The following SORCS1 variants were observed in gnomAD, a reference collection of about 807,000 sequenced individuals.
SORCS1 encodes the protein sortilin related VPS10 domain containing receptor 1.
SORCS1 carries 60 observed loss-of-function variants against 146.1 expected under a neutral mutation model. The observed-to-expected ratio is 0.41, with a 90% CI of 0.33 to 0.51. The LOEUF (loss-of-function observed/expected upper bound fraction) is 0.51. SORCS1 is among the 20% of genes least tolerant of loss of function. The pLI is 0.21. For missense variants in SORCS1, 1,352 were observed against 1,487.6 expected, an observed-to-expected ratio of 0.91 and a Z score of 1.50; for synonymous variants, 637 against 584.0, an observed-to-expected ratio of 1.09 and a Z score of -1.31.
At chr10:107,077,951 T>C (rs1182764618) in intron 1 of SORCS1, among the ~76,000 whole-genome samples, 1 of 152,162 alleles carries the variant, frequency 6.6e-6, no homozygotes, top group Non-Finnish European at 1.5e-5. Flanking sequence ...TTCACTGATT[T>C]TGCAATTCCA....
intron 6 of SORCS1, among the ~76,000 whole-genome samples, chr10:106,722,120 T>TACACACACAC (rs140882766): frequency 0.14 from 20,870 of 144,142 alleles, 1,499 homozygotes; most frequent in East Asian, 0.18. Context: ...AATATATAAA[T>TACACACACAC]ACACACACAC....
At chr10:107,043,657 A>G (rs1959191135) in intron 1 of SORCS1, among the ~76,000 whole-genome samples, 1 of 152,058 alleles carries the variant, frequency 6.6e-6, no homozygotes. Context: ...ATGGCCCCCA[A>G]GCCACCCTCC....
chr10:106,579,155 G>C (rs141785832), intron 25 of SORCS1: 1 of 1,614,098 alleles, frequency 6.2e-7, no homozygotes, highest in Non-Finnish European at 8.5e-7. Context: ...CAGTCTGAGG[G>C]ACATTGGGCC....
intron 2 of SORCS1, among the ~76,000 whole-genome samples, chr10:106,880,266 T>C (rs1372307321): frequency 6.6e-6 from 1 of 152,218 alleles, no homozygotes; most frequent in Non-Finnish European, 1.5e-5. Context: ...AAAAGAATTG[T>C]TGCACTTCAG....
At chr10:107,149,426 A>G (rs1246218415) in intron 1 of SORCS1, among the ~76,000 whole-genome samples, 1 of 152,174 alleles carries the variant, frequency 6.6e-6, no homozygotes, top group Non-Finnish European at 1.5e-5. Context: ...GATTCATCCC[A>G]ATATACTTGT....
At chr10:107,123,354 G>A (rs958851412) in intron 1 of SORCS1, among the ~76,000 whole-genome samples, 1 of 152,128 alleles carries the variant, frequency 6.6e-6, no homozygotes, top group African/African-American at 2.4e-5. Context: ...AACAGTAAAA[G>A]AAACTAAAAT....
intron 18 of SORCS1, among the ~76,000 whole-genome samples, chr10:106,649,301 T>C (rs1408659481): frequency 1.3e-5 from 2 of 152,114 alleles, no homozygotes; most frequent in Non-Finnish European, 2.9e-5. Context: ...CATTCACCCC[T>C]AGACACTGCT....
At chr10:107,126,773 A>G (rs1966736870) in intron 1 of SORCS1, among the ~76,000 whole-genome samples, 1 of 152,048 alleles carries the variant, frequency 6.6e-6, no homozygotes, top group African/African-American at 2.4e-5. Context: ...CCCAGTTGAG[A>G]GGGAGGATCT....
chr10:106,629,122 T>G, intron 19 of SORCS1, 80 bp downstream of exon 19: 2 of 1,285,922 alleles, frequency 1.6e-6, no homozygotes, highest in Non-Finnish European at 2.2e-6. Flanking sequence ...GTACTTCTTC[T>G]AGATATAAAA....
chr10:107,116,233 C>A (rs1442241435), intron 1 of SORCS1, among the ~76,000 whole-genome samples: 2 of 152,032 alleles, frequency 1.3e-5, no homozygotes, highest in African/African-American at 2.4e-5. Context: ...AGTAGAACAA[C>A]ATTATATGAT....
intron 2 of SORCS1, among the ~76,000 whole-genome samples, chr10:106,843,782 T>C (rs943750663): frequency 1.3e-5 from 2 of 152,238 alleles, no homozygotes; most frequent in African/African-American, 4.8e-5. Flanking sequence ...GTATATATAA[T>C]ACATTTTCTT....
intron 1 of SORCS1, among the ~76,000 whole-genome samples, chr10:107,079,183 G>A (rs557166041): frequency 8.7e-5 from 13 of 149,942 alleles, no homozygotes; most frequent in South Asian, 2.1e-4. Flanking sequence ...CTGAGATTGC[G>A]CCACTGCACT....
At chr10:106,814,420 T>C (rs1236901327) in intron 3 of SORCS1, among the ~76,000 whole-genome samples, 2 of 152,166 alleles carry the variant, frequency 1.3e-5, no homozygotes. Flanking sequence ...CAGTAAACTA[T>C]GATAGAAGAA....
At chr10:106,618,333 C>T (rs1847516055) in intron 20 of SORCS1, 61 bp from the exon 21 acceptor site, 2 of 1,589,968 alleles carry the variant, frequency 1.3e-6, no homozygotes, top group Non-Finnish European at 1.7e-6. Context: ...GACACAGCCA[C>T]TAACTGTGAG....
chr10:106,991,050 C>G (rs1447530767), intron 1 of SORCS1, among the ~76,000 whole-genome samples: 1 of 152,202 alleles, frequency 6.6e-6, no homozygotes, highest in Non-Finnish European at 1.5e-5. Context: ...ACTTTTTCAC[C>G]TGTTCAGTAT....
chr10:107,149,663 G>C (rs1270447806), intron 1 of SORCS1, among the ~76,000 whole-genome samples: 2 of 152,172 alleles, frequency 1.3e-5, no homozygotes, highest in Non-Finnish European at 2.9e-5. Flanking sequence ...GAAGATTTAG[G>C]GGAGCAATTT....
intron 2 of SORCS1, among the ~76,000 whole-genome samples, chr10:106,921,517 T>C (rs1407099533): frequency 6.6e-6 from 1 of 152,222 alleles, no homozygotes; most frequent in African/African-American, 2.4e-5. Flanking sequence ...CTCTATTTGA[T>C]TGAAGAGCGC....
intron 20 of SORCS1, 155 bp downstream of exon 20, chr10:106,620,273 A>C (rs2133489617): frequency 1.2e-6 from 1 of 839,360 alleles, no homozygotes; most frequent in East Asian, 2.9e-5. Flanking sequence ...AGAGAACATA[A>C]TGATGAGATA....
At chr10:106,890,720 G>C (rs949759928) in intron 2 of SORCS1, among the ~76,000 whole-genome samples, 2 of 152,086 alleles carry the variant, frequency 1.3e-5, no homozygotes, top group African/African-American at 4.8e-5. Context: ...ACGATGTAGA[G>C]AGCCCTAACA....
Sources: allele counts gnomAD v4.1 joint callset (sites outside exome capture counted in the v4.1 genomes callset), GRCh38; gene constraint gnomAD v4.1.1; transcripts MANE v1.5; gene names NCBI Gene and HGNC (gene_info 2026-07-23, HGNC 2026-07-21).